The following DLC1 variants were observed in gnomAD, a reference collection of about 807,000 sequenced individuals.
DLC1 encodes DLC1 Rho GTPase activating protein, also known as rho GTPase-activating protein 7.
A neutral mutation model predicts 140.3 loss-of-function variants in DLC1; 54 were observed. The ratio of observed to expected loss-of-function variants is 0.38; its 90% CI spans 0.31 to 0.48. The LOEUF (loss-of-function observed/expected upper bound fraction) is 0.48, where lower values mean the gene tolerates loss of function less well. Among genes scored for constraint, DLC1 ranks in the 20% least tolerant of loss-of-function variants. The probability of loss-of-function intolerance (pLI) is 0.96; values close to 1 mark genes in which losing one functional copy is unlikely to be tolerated. For synonymous variants in DLC1, 986 were observed against 728.1 expected, an observed-to-expected ratio of 1.35 and a Z score of -5.70; for missense variants, 2,536 against 1,907.0, an observed-to-expected ratio of 1.33 and a Z score of -6.14.
At chr8:13,511,261 TCCAC>T (rs1356648867) in intron 1 of DLC1, among the ~76,000 whole-genome samples, 1 of 152,178 alleles carries the variant, frequency 6.6e-6, no homozygotes, top group Non-Finnish European at 1.5e-5. Context: ...AATTGTCTTT[TCCAC>T]CCATTTATCT....
chr8:13,131,804 C>G (rs1822117337), intron 5 of DLC1, among the ~76,000 whole-genome samples: 1 of 152,182 alleles, frequency 6.6e-6, no homozygotes, highest in Non-Finnish European at 1.5e-5. Flanking sequence ...CCAAGTTCGC[C>G]CAGCTAGCAG....
rs145628587 is a variant in DLC1, at chr8:13,145,905, A to G, written c.1349-30248T>C. On this transcript the variant is annotated intron_variant, in intron 5 of 17. Coordinates refer to ENST00000276297, the MANE Select transcript of DLC1 (RefSeq NM_182643.3). Reference sequence around the variant, plus strand: ...ATGGGGGTAACTTTAACAGGAAAGAATATTCTAGTTCTTCATTGCGTGGTG... The same window carrying G: ...ATGGGGGTAACTTTAACAGGAAAGAGTATTCTAGTTCTTCATTGCGTGGTG... Among the ~76,000 whole-genome samples, 245 of 152,284 alleles carry G rather than the reference A, an allele frequency of 1.6e-3. 1 individual carries two copies. Among genetic ancestry groups the G allele is most frequent in the African/African-American group, 5.5e-3 (228 of 41,538 alleles).
chr8:13,223,964 G>C (rs1354047647), intron 5 of DLC1, among the ~76,000 whole-genome samples: 2 of 152,186 alleles, frequency 1.3e-5, no homozygotes, highest in African/African-American at 4.8e-5. Context: ...AAGGCAAATA[G>C]AGTATGTGTA....
chr8:13,372,338 T>C (rs938763381), intron 4 of DLC1, among the ~76,000 whole-genome samples: 2 of 152,148 alleles, frequency 1.3e-5, no homozygotes, highest in African/African-American at 2.4e-5. Context: ...ATAGAGAGAA[T>C]TGCAATCAAT....
chr8:13,400,496 A>T (rs772680450), intron 3 of DLC1, among the ~76,000 whole-genome samples: 2 of 152,178 alleles, frequency 1.3e-5, no homozygotes, highest in Non-Finnish European at 2.9e-5. Context: ...GCCTATTCTG[A>T]ATACATCTCT....
intron 2 of DLC1, among the ~76,000 whole-genome samples, chr8:13,457,988 G>A (rs1417337426): frequency 6.6e-6 from 1 of 152,064 alleles, no homozygotes; most frequent in Non-Finnish European, 1.5e-5. Flanking sequence ...ATAGGTTCAA[G>A]AAGGACCAAC....
chr8:13,188,801 G>GTGTGTGTGTGTATA (rs1293675412), intron 5 of DLC1, among the ~76,000 whole-genome samples: 2 of 71,900 alleles, frequency 2.8e-5, no homozygotes, highest in African/African-American at 1.3e-4. Context: ...GTGTGTGTGT[G>GTGTGTGTGTGTATA]TATATATATA....
At chr8:13,341,343 G>A (rs1341788211) in intron 4 of DLC1, 3 of 152,122 alleles carry the variant, frequency 2.0e-5, no homozygotes, top group Non-Finnish European at 4.4e-5. Context: ...TGGAGCTTTG[G>A]GAACGGACAT....
chr8:13,225,195 T>A (rs962991861), intron 5 of DLC1, among the ~76,000 whole-genome samples: 5 of 152,246 alleles, frequency 3.3e-5, no homozygotes, highest in African/African-American at 1.2e-4. Context: ...AAAAAAATTA[T>A]ACTTCTTTTT....
rs17823666 is a variant in DLC1 at position 13,568,942 on chromosome 8, G to T, written c.-126+35595C>A. ...TACTCCTTGAAATATTTAGCTGTAA[G>T]GGGAAGAAGAAGTAAAGCTGGGGTT... On this transcript the variant is annotated intron_variant, in intron 1 of 1. Coordinates refer to the DLC1 transcript ENST00000631382. Among the ~76,000 whole-genome samples the T allele has an allele frequency of 2.6e-5, 4 of 152,146 alleles. No individual in the cohort carries two copies. In the South Asian group the frequency reaches 8.3e-4, roughly 31 times the overall value.
intron 5 of DLC1, among the ~76,000 whole-genome samples, chr8:13,192,905 A>C (rs1215184626): frequency 3.3e-5 from 5 of 152,216 alleles, no homozygotes; most frequent in Non-Finnish European, 5.9e-5. Context: ...AGCCTCCAGG[A>C]CTATGAGGAA....
intron 5 of DLC1, among the ~76,000 whole-genome samples, chr8:13,263,433 C>G (rs1475060841): frequency 9.2e-5 from 14 of 151,984 alleles, no homozygotes; most frequent in Non-Finnish European, 1.9e-4. Flanking sequence ...TTAGCTTGAT[C>G]TGTATAAGAA....
At chr8:13,348,032 T>C (rs979185136) in intron 4 of DLC1, among the ~76,000 whole-genome samples, 1 of 152,050 alleles carries the variant, frequency 6.6e-6, no homozygotes, top group Admixed American at 6.6e-5. Flanking sequence ...TAGCTTGCAG[T>C]CAGCCGAGAT....
intron 2 of DLC1, among the ~76,000 whole-genome samples, chr8:13,492,375 T>A (rs1186053918): frequency 1.3e-5 from 2 of 152,156 alleles, no homozygotes; most frequent in African/African-American, 2.4e-5. Flanking sequence ...TGAATCTGAT[T>A]CCAGCCTGCT....
chr8:13,543,571 G>A (rs145022939), intron 1 of DLC1, among the ~76,000 whole-genome samples: 268 of 152,194 alleles, frequency 1.8e-3, no homozygotes, highest in African/African-American at 6.1e-3. Flanking sequence ...CAACCACTGA[G>A]TGGATAAAGA....
chr8:13,136,687 A>C (rs190260416), intron 5 of DLC1, among the ~76,000 whole-genome samples: 1 of 152,130 alleles, frequency 6.6e-6, no homozygotes, highest in Non-Finnish European at 1.5e-5. Context: ...GGTGCGTGCC[A>C]CCACATCTGG....
At chr8:13,521,048 A>T (rs938731737) in intron 1 of DLC1, among the ~76,000 whole-genome samples, 1 of 152,138 alleles carries the variant, frequency 6.6e-6, no homozygotes, top group Admixed American at 6.5e-5. Context: ...TGGTCCATAT[A>T]CACCATGGAA....
intron 2 of DLC1, among the ~76,000 whole-genome samples, chr8:13,481,079 C>T (rs540617699): frequency 7.9e-5 from 12 of 152,116 alleles, no homozygotes; most frequent in East Asian, 3.9e-4. Context: ...TAATTCTCTA[C>T]GCTTTTGAAA....
At chr8:13,289,593 A>G (rs57146221) in intron 5 of DLC1, among the ~76,000 whole-genome samples, 7,798 of 152,168 alleles carry the variant, frequency 0.051, 407 homozygotes, top group African/African-American at 0.14. Context: ...GGCCTTCCAA[A>G]TTGTTGGGAT....
Sources: gnomAD v4.1 joint callset for allele counts (sites outside exome capture counted in the v4.1 genomes callset) on GRCh38, gnomAD v4.1.1 for gene constraint, MANE v1.5 for transcripts, NCBI Gene and HGNC (gene_info 2026-07-23, HGNC 2026-07-21) for gene names.